The following RYR2 variants were observed in gnomAD, a reference collection of about 807,000 sequenced individuals.
The protein encoded by RYR2 is ryanodine receptor 2.
A neutral mutation model predicts 601.1 loss-of-function variants in RYR2; 227 were observed. The observed-to-expected ratio is 0.38, with a 90% CI of 0.34 to 0.42. The LOEUF is 0.42. Among genes scored for constraint, RYR2 ranks in the 10% least tolerant of loss-of-function variants. The probability of loss-of-function intolerance (pLI) is 1.00; values close to 1 mark genes in which losing one functional copy is unlikely to be tolerated. For synonymous variants in RYR2, 2,223 were observed against 2,175.1 expected (o/e 1.02, Z -0.61); for missense variants, 4,646 against 6,156.5 (o/e 0.75, Z 8.21).
chr1:237,527,380 G>A (rs2805443), intron 24 of RYR2, among the ~76,000 whole-genome samples: 72,163 of 151,718 alleles, frequency 0.48, 17,387 homozygotes, highest in East Asian at 0.6. Context: ...TTGACTAAAT[G>A]TGTTGGCACT....
intron 24 of RYR2, among the ~76,000 whole-genome samples, chr1:237,518,519 T>C (rs1255165963): frequency 6.6e-6 from 1 of 152,202 alleles, no homozygotes; most frequent in African/African-American, 2.4e-5. Context: ...GTATTTGCCT[T>C]TCTGGGTCTA....
rs74149917 is a variant in RYR2 at position 237,749,118 on chromosome 1, T to G, written c.11145+6769T>G. ...ATTGAAGCAGCATATATTTGTGCACTTTTCATGTGCACAGTAATGTAACTT... is the reference window on the plus strand; with the variant it reads ...ATTGAAGCAGCATATATTTGTGCACGTTTCATGTGCACAGTAATGTAACTT... On this transcript the variant is annotated intron_variant, in intron 80 of 104. Transcript: ENST00000366574. Among the ~76,000 whole-genome samples, 818 of 152,336 alleles carry G rather than the reference T, an allele frequency of 5.4e-3. 4 individuals are homozygous for G. Among genetic ancestry groups the G allele is most frequent in the African/African-American group, 0.019 (780 of 41,584 alleles).
At chr1:237,558,051 G>T (rs561155721) in intron 27 of RYR2, among the ~76,000 whole-genome samples, 5 of 152,236 alleles carry the variant, frequency 3.3e-5, no homozygotes, top group East Asian at 3.9e-4. Flanking sequence ...AGAGAGAGAG[G>T]TTGAAAGTAC....
chr1:237,334,133 G>A lies in RYR2; in HGVS notation c.273+3151G>A, dbSNP rs549577429. The stretch of plus-strand genomic sequence containing the variant: ...ATTTAGAACCATGCCTTTGTTTTTT[G>A]TGGTTAAGGACCATTTTGCTAGTAT... On this transcript the variant is annotated intron_variant, in intron 3 of 104. Coordinates refer to ENST00000366574, the MANE Select transcript of RYR2 (RefSeq NM_001035.3). 2.6e-5 allele frequency among the ~76,000 whole-genome samples: 4 copies of A among 152,104 alleles called. No homozygotes were observed. The South Asian group carries it at 8.3e-4, about 32-fold the overall frequency.
chr1:237,335,087 C>T (rs1697117999), intron 3 of RYR2, among the ~76,000 whole-genome samples: 1 of 152,124 alleles, frequency 6.6e-6, no homozygotes, highest in Non-Finnish European at 1.5e-5. Flanking sequence ...GGGACATAGC[C>T]AGTCCAGTTC....
intron 11 of RYR2, among the ~76,000 whole-genome samples, chr1:237,421,039 G>C (rs1252986357): frequency 6.6e-6 from 1 of 152,174 alleles, no homozygotes; most frequent in Non-Finnish European, 1.5e-5. Context: ...AGGAGATCGA[G>C]ACCATCCTGG....
chr1:237,117,742 C>A (rs535005783), intron 1 of RYR2, among the ~76,000 whole-genome samples: 1 of 140,592 alleles, frequency 7.1e-6, no homozygotes, highest in Non-Finnish European at 1.5e-5. Flanking sequence ...CTTCTCTTCT[C>A]TTCTCTTCTC....
chr1:237,187,052 T>C (rs1249014490), intron 1 of RYR2, among the ~76,000 whole-genome samples: 1 of 152,166 alleles, frequency 6.6e-6, no homozygotes, highest in African/African-American at 2.4e-5. Context: ...ACTCTGAAAG[T>C]CAAAGATAGA....
intron 65 of RYR2, 23 bp downstream of exon 65, chr1:237,700,490 GTTTT>G: frequency 2.0e-6 from 2 of 976,098 alleles, no homozygotes; most frequent in Non-Finnish European, 3.0e-6. Context: ...ATATCTTGGA[GTTTT>G]TTTTTTTTTA....
intron 1 of RYR2, among the ~76,000 whole-genome samples, chr1:237,090,991 G>T (rs1666889564): frequency 6.6e-6 from 1 of 152,184 alleles, no homozygotes; most frequent in African/African-American, 2.4e-5. Context: ...TTATGTACTT[G>T]TGTTTAATGT....
chr1:237,275,069 G>A lies in RYR2; in HGVS notation c.168+4453G>A, dbSNP rs143720121. ...GTCTGTATATATATATCATCCATGGGTGATGCACACACACACATACACGCA... is the reference window on the plus strand; with the variant it reads ...GTCTGTATATATATATCATCCATGGATGATGCACACACACACATACACGCA... On this transcript the variant is annotated intron_variant, in intron 2 of 104. Transcript: ENST00000366574. 3.1e-3 allele frequency among the ~76,000 whole-genome samples: 471 copies of A among 151,408 alleles called. 2 individuals carry two copies. The highest frequency in any genetic ancestry group is 0.031 in the Middle Eastern group (9 of 294).
intron 80 of RYR2, chr1:237,743,480 A>T: frequency 2.6e-6 from 1 of 383,008 alleles, no homozygotes; most frequent in Non-Finnish European, 5.3e-6. Flanking sequence ...TCAGTTTAGA[A>T]TGAGCTGTGA....
At chr1:237,447,817 A>G (rs1180335349) in intron 14 of RYR2, among the ~76,000 whole-genome samples, 1 of 122,030 alleles carries the variant, frequency 8.2e-6, no homozygotes, top group Non-Finnish European at 1.7e-5. Flanking sequence ...CCTTCCTTCC[A>G]TCCTTTCCTC....
chr1:237,597,089 T>G (rs957532800), intron 34 of RYR2, among the ~76,000 whole-genome samples: 1 of 152,176 alleles, frequency 6.6e-6, no homozygotes, highest in Non-Finnish European at 1.5e-5. Flanking sequence ...GAAGTAAATT[T>G]TAAATCAAAC....
intron 2 of RYR2, among the ~76,000 whole-genome samples, chr1:237,309,179 T>G (rs1219662990): frequency 7.0e-6 from 1 of 142,622 alleles, no homozygotes; most frequent in Non-Finnish European, 1.5e-5. Context: ...ATTGGTGCAT[T>G]TACAAACCTT....
At chr1:237,206,208 C>A (rs1443040486) in intron 1 of RYR2, among the ~76,000 whole-genome samples, 3 of 152,140 alleles carry the variant, frequency 2.0e-5, no homozygotes, top group South Asian at 4.1e-4. Flanking sequence ...GCCACTAGGA[C>A]CCCCAGGAGG....
In RYR2 at chr1:237,121,660, T is replaced by C. The variant is rs73117623; in HGVS notation, c.48+79091T>C. Among the ~76,000 whole-genome samples the C allele has an allele frequency of 4.9e-3, 740 of 152,256 alleles. 2 individuals are homozygous for C. Among genetic ancestry groups the C allele is most frequent in the African/African-American group, 0.017 (690 of 41,542 alleles). ...GCAGAGATCCGAATTCTAGTAGCTG[T>C]AGATTGGTGTTTCTGATCTCAGTCC... On this transcript the variant is annotated intron_variant, in intron 1 of 104. Transcript: ENST00000366574.
intron 80 of RYR2, among the ~76,000 whole-genome samples, chr1:237,752,615 A>G (rs556530596): frequency 2.0e-5 from 3 of 152,188 alleles, no homozygotes; most frequent in East Asian, 1.9e-4. Context: ...ATTGAAGTAG[A>G]TAAGTTGTCT....
chr1:237,493,618 A>G (rs1002658718), intron 19 of RYR2, among the ~76,000 whole-genome samples: 6 of 151,944 alleles, frequency 3.9e-5, no homozygotes, highest in African/African-American at 1.2e-4. Flanking sequence ...ACGCCTGGCT[A>G]ATTTTTTGTA....
Sources: gnomAD v4.1 joint callset for allele counts (sites outside exome capture counted in the v4.1 genomes callset) on GRCh38, gnomAD v4.1.1 for gene constraint, MANE v1.5 for transcripts, NCBI Gene and HGNC (gene_info 2026-07-23, HGNC 2026-07-21) for gene names.